MBNL1: variants seen among roughly 807,000 people sequenced by gnomAD.
MBNL1 encodes the protein muscleblind-like protein 1.
MBNL1 carries 8 observed loss-of-function variants against 42.2 expected under a neutral mutation model. The ratio of observed to expected loss-of-function variants is 0.19; its 90% confidence interval spans 0.11 to 0.34. The LOEUF is 0.34. Ranked by LOEUF, MBNL1 falls within the 10% of genes least tolerant of loss-of-function variation. The pLI, the probability that MBNL1 is intolerant of heterozygous loss-of-function variation, is 1.00. For synonymous variants in MBNL1, 169 were observed against 173.9 expected (o/e 0.97, Z 0.22); for missense variants, 309 against 495.3 (o/e 0.62, Z 3.57).
intron 2 of MBNL1, among the ~76,000 whole-genome samples, chr3:152,326,240 G>A (rs1163213917): frequency 6.6e-6 from 1 of 152,040 alleles, no homozygotes; most frequent in Admixed American, 6.6e-5. Flanking sequence ...CATTTAGCTT[G>A]TTCTTCCATC....
At position 152,463,561 on chromosome 3, in the gene MBNL1, A is replaced by G. The variant is rs1347138712; in HGVS notation, c.*1195A>G. 2.0e-5 allele frequency: 3 copies of G among 152,502 alleles called. No homozygotes were observed. Among genetic ancestry groups the G allele is most frequent in the Non-Finnish European group, 4.4e-5 (3 of 67,932 alleles). 9.4% of individuals were successfully genotyped at this position (152,502 alleles called of 1,614,324 possible). A position where few individuals can be genotyped will look rare whatever the true frequency, so the allele number is the denominator to read the frequency against. ...ATGCATGATAAACCAAAATATGAAA[A>G]TGGGAAATGTTTAATTAACCTAGTA... On this transcript the variant is annotated 3_prime_UTR_variant, in exon 10 of 10. Coordinates refer to ENST00000324210, the MANE Select transcript of MBNL1 (RefSeq NM_021038.5).
At chr3:152,328,608 A>G (rs1240621849) in intron 2 of MBNL1, among the ~76,000 whole-genome samples, 1 of 152,166 alleles carries the variant, frequency 6.6e-6, no homozygotes, top group Admixed American at 6.5e-5. Context: ...CATTGTATTT[A>G]TAAGACTTTG....
chr3:152,411,753 A>G (rs751553178), intron 2 of MBNL1, among the ~76,000 whole-genome samples: 1 of 152,218 alleles, frequency 6.6e-6, no homozygotes, highest in African/African-American at 2.4e-5. Context: ...TTGAATGTCT[A>G]TACAAATCTC....
intron 2 of MBNL1, among the ~76,000 whole-genome samples, chr3:152,312,490 G>C (rs1010027932): frequency 1.3e-5 from 2 of 152,140 alleles, no homozygotes; most frequent in Non-Finnish European, 2.9e-5. Context: ...GATCAGTTGG[G>C]TAAATCCCTT....
At chr3:152,259,050 G>A (rs2035863418) in intron 2 of MBNL1, among the ~76,000 whole-genome samples, 1 of 152,242 alleles carries the variant, frequency 6.6e-6, no homozygotes, top group South Asian at 2.1e-4. Flanking sequence ...TCCTGGCTAA[G>A]TCTATAATTT....
At chr3:152,443,049 G>C (rs2099164466) in intron 4 of MBNL1, among the ~76,000 whole-genome samples, 1 of 151,958 alleles carries the variant, frequency 6.6e-6, no homozygotes, top group Non-Finnish European at 1.5e-5. Flanking sequence ...AGAAAAGGTT[G>C]GTTTTATGAC....
chr3:152,416,161 T>G (rs2098699232), intron 3 of MBNL1, among the ~76,000 whole-genome samples: 1 of 152,202 alleles, frequency 6.6e-6, no homozygotes, highest in African/African-American at 2.4e-5. Context: ...TTATTCTCTT[T>G]TAGAACTTTA....
chr3:152,384,774 C>T (rs2097339105), intron 2 of MBNL1, among the ~76,000 whole-genome samples: 1 of 152,078 alleles, frequency 6.6e-6, no homozygotes, highest in African/African-American at 2.4e-5. Context: ...ATAAAACAGA[C>T]ATTCTTTTTG....
At chr3:152,325,762 C>CCTT (rs2079447523) in intron 2 of MBNL1, among the ~76,000 whole-genome samples, 1 of 148,944 alleles carries the variant, frequency 6.7e-6, no homozygotes, top group Non-Finnish European at 1.5e-5. Context: ...AAAAAAAAAT[C>CCTT]CTTAATTGCT....
chr3:152,345,271 T>G (rs1423443916), intron 2 of MBNL1, among the ~76,000 whole-genome samples: 1 of 152,142 alleles, frequency 6.6e-6, no homozygotes, highest in African/African-American at 2.4e-5. Flanking sequence ...CCAGCTTTTC[T>G]TTTCCCTGCC....
intron 2 of MBNL1, among the ~76,000 whole-genome samples, chr3:152,247,934 A>G (rs1348287020): frequency 1.3e-5 from 2 of 151,972 alleles, no homozygotes; most frequent in Non-Finnish European, 2.9e-5. Context: ...TGCTCCATGA[A>G]CCAGTATAAA....
intron 2 of MBNL1, chr3:152,335,071 A>C (rs1171154917): frequency 4.6e-5 from 58 of 1,251,776 alleles, no homozygotes; most frequent in Non-Finnish European, 5.6e-5. Flanking sequence ...GGGAAGGAAA[A>C]GTGGCTGACC....
chr3:152,418,868 C>T (rs2098750211), intron 3 of MBNL1, among the ~76,000 whole-genome samples: 1 of 151,944 alleles, frequency 6.6e-6, no homozygotes, highest in Non-Finnish European at 1.5e-5. Flanking sequence ...AGGCGCCCGC[C>T]CCCGTGCCCG....
intron 2 of MBNL1, among the ~76,000 whole-genome samples, chr3:152,355,065 A>T (rs1308080873): frequency 6.6e-6 from 1 of 151,466 alleles, no homozygotes; most frequent in East Asian, 1.9e-4. Flanking sequence ...AGAGCTTGGC[A>T]TTTTTTTTTA....
intron 2 of MBNL1, among the ~76,000 whole-genome samples, chr3:152,365,035 A>G (rs758296824): frequency 2.6e-5 from 4 of 152,138 alleles, no homozygotes; most frequent in Non-Finnish European, 4.4e-5. Context: ...AGATCTTTTC[A>G]GATAATTCCA....
In MBNL1 at chr3:152,268,990, A is replaced by C; in HGVS notation, c.-892A>C. Reference sequence around the variant, plus strand: ...ACAATGCTCCCATGACAAGGAGCTGACAAGTTCCATTTTCCGTCGCGGGCA... The same window carrying C: ...ACAATGCTCCCATGACAAGGAGCTGCCAAGTTCCATTTTCCGTCGCGGGCA... On this transcript the variant is annotated 5_prime_UTR_variant, in exon 1 of 10. An upstream open reading frame in the 5' UTR loses its in-frame stop. Transcript: ENST00000324210. 1 of 456,250 alleles carries C rather than the reference A, an allele frequency of 2.2e-6. No homozygotes were observed. The highest frequency in any genetic ancestry group is 4.4e-6 in the Non-Finnish European group (1 of 226,956). 28.3% of individuals were successfully genotyped at this position (456,250 alleles called of 1,614,324 possible). A position where few individuals can be genotyped will look rare whatever the true frequency, so the allele number is the denominator to read the frequency against.
At chr3:152,447,551 C>A (rs963381778) in intron 5 of MBNL1, 69 bp from the exon 6 acceptor site, 2 of 1,270,098 alleles carry the variant, frequency 1.6e-6, no homozygotes, top group Non-Finnish European at 2.2e-6. Context: ...TTTTAGCCTT[C>A]GACTGATTTT....
chr3:152,347,967 A>G (rs1024008898), intron 2 of MBNL1, among the ~76,000 whole-genome samples: 5 of 152,176 alleles, frequency 3.3e-5, no homozygotes, highest in Admixed American at 2.6e-4. Flanking sequence ...TATTGTTTTT[A>G]TAAGGATAAT....
intron 2 of MBNL1, among the ~76,000 whole-genome samples, chr3:152,398,903 C>A (rs1337943841): frequency 3.3e-5 from 5 of 152,198 alleles, no homozygotes; most frequent in African/African-American, 7.2e-5. Flanking sequence ...GATATTTCCT[C>A]TACCTAGATA....
Sources: gnomAD v4.1 joint callset for allele counts (sites outside exome capture counted in the v4.1 genomes callset) on GRCh38, gnomAD v4.1.1 for gene constraint, MANE v1.5 for transcripts, NCBI Gene and HGNC (gene_info 2026-07-23, HGNC 2026-07-21) for gene names.